DNAH7: variants seen among roughly 807,000 people sequenced by gnomAD.
DNAH7 encodes the protein dynein axonemal heavy chain 7.
Under a neutral mutation model 444.6 loss-of-function variants are expected in DNAH7, and 397 were observed. That is an observed-to-expected ratio of 0.89 (90% CI 0.82 to 0.97). The LOEUF is 0.97. Ranked by LOEUF, DNAH7 falls within the 50% of genes least tolerant of loss-of-function variation. DNAH7 has a pLI of 0.00. For synonymous variants in DNAH7, 1,636 were observed against 1,624.4 expected (o/e 1.01, Z -0.17); for missense variants, 4,902 against 4,800.8 (o/e 1.02, Z -0.62).
intron 47 of DNAH7, among the ~76,000 whole-genome samples, chr2:195,836,549 T>C (rs1263170441): frequency 6.6e-6 from 1 of 151,134 alleles, no homozygotes; most frequent in Non-Finnish European, 1.5e-5. Context: ...ATGGGAGTCA[T>C]GGCTTCAACA....
chr2:195,997,501 C>A (rs1311096429), intron 12 of DNAH7, among the ~76,000 whole-genome samples: 1 of 152,112 alleles, frequency 6.6e-6, no homozygotes, highest in Non-Finnish European at 1.5e-5. Context: ...GGTGACAGAG[C>A]AAGATGGAGT....
chr2:195,981,323 T>A (rs1692557392), intron 15 of DNAH7, among the ~76,000 whole-genome samples: 1 of 151,712 alleles, frequency 6.6e-6, no homozygotes, highest in Non-Finnish European at 1.5e-5. Context: ...AACACAATGA[T>A]GAAAGAAATT....
chr2:195,936,972 C>T (rs1689096606), intron 19 of DNAH7, among the ~76,000 whole-genome samples, 180 bp from the exon 20 acceptor site: 1 of 152,030 alleles, frequency 6.6e-6, no homozygotes, highest in African/African-American at 2.4e-5. Context: ...CTCTCTGATT[C>T]TGTAAAAGTC....
chr2:196,064,806 C>T (rs1300744407), intron 1 of DNAH7, among the ~76,000 whole-genome samples: 1 of 152,130 alleles, frequency 6.6e-6, no homozygotes, highest in Non-Finnish European at 1.5e-5. Flanking sequence ...GAGCATAGTA[C>T]AATGTATCCA....
intron 59 of DNAH7, among the ~76,000 whole-genome samples, 198 bp from the exon 60 acceptor site, chr2:195,776,181 C>A (rs1231563847): frequency 6.6e-6 from 1 of 152,202 alleles, no homozygotes; most frequent in Admixed American, 6.5e-5. Context: ...CGGTGGCTCA[C>A]GCCTGTAATC....
intron 47 of DNAH7, among the ~76,000 whole-genome samples, chr2:195,838,409 T>A (rs934584418): frequency 2.0e-5 from 3 of 151,202 alleles, no homozygotes; most frequent in African/African-American, 7.3e-5. Context: ...ATTATAACCA[T>A]CCTCCATGAG....
intron 62 of DNAH7, among the ~76,000 whole-genome samples, 182 bp downstream of exon 62, chr2:195,755,951 T>A (rs1447308040): frequency 2.0e-5 from 3 of 152,232 alleles, no homozygotes; most frequent in Non-Finnish European, 2.9e-5. Context: ...CTTCATTTAG[T>A]GCTAGCTTTT....
At chr2:195,974,058 CAG>C (rs1692027795) in intron 15 of DNAH7, among the ~76,000 whole-genome samples, 1 of 151,610 alleles carries the variant, frequency 6.6e-6, no homozygotes, top group Non-Finnish European at 1.5e-5. Context: ...GCCTGGGTGA[CAG>C]AATGAGACTC....
At chr2:195,777,309 T>G (rs1240151361) in intron 59 of DNAH7, among the ~76,000 whole-genome samples, 1 of 152,178 alleles carries the variant, frequency 6.6e-6, no homozygotes, top group Non-Finnish European at 1.5e-5. Flanking sequence ...GCCACCTTCT[T>G]ACCTGTGTGG....
chr2:195,908,868 A>G (rs1033797696), intron 25 of DNAH7, among the ~76,000 whole-genome samples: 2 of 152,196 alleles, frequency 1.3e-5, no homozygotes, highest in Admixed American at 6.5e-5. Context: ...ACAAATGGAA[A>G]GTAATTAAAC....
chr2:195,813,813 G>A (rs1697091666), intron 51 of DNAH7, among the ~76,000 whole-genome samples: 1 of 152,118 alleles, frequency 6.6e-6, no homozygotes, highest in South Asian at 2.1e-4. Context: ...TCTGGGTTGG[G>A]AAAAGATGTA....
At chr2:196,067,344 T>C (rs1427661263) in intron 1 of DNAH7, among the ~76,000 whole-genome samples, 1 of 152,174 alleles carries the variant, frequency 6.6e-6, no homozygotes, top group African/African-American at 2.4e-5. Context: ...CAATATATAA[T>C]AATGGTGACA....
chr2:196,041,815 G>A, intron 5 of DNAH7, among the ~76,000 whole-genome samples: 1 of 151,470 alleles, frequency 6.6e-6, no homozygotes, highest in South Asian at 2.1e-4. Flanking sequence ...AAGGGATAAG[G>A]GATTAATAAC....
intron 46 of DNAH7, among the ~76,000 whole-genome samples, chr2:195,850,564 T>C (rs903129284): frequency 3.9e-5 from 6 of 152,282 alleles, no homozygotes; most frequent in South Asian, 2.1e-4. Flanking sequence ...GTTTTATTTA[T>C]GAAAAGTGCC....
At chr2:196,032,174 T>G (rs978755299) in intron 5 of DNAH7, among the ~76,000 whole-genome samples, 1 of 152,126 alleles carries the variant, frequency 6.6e-6, no homozygotes, top group Non-Finnish European at 1.5e-5. Context: ...TTTCCCCTTA[T>G]CAAACCATCA....
At chr2:195,942,842 T>C (rs1185645578) in intron 19 of DNAH7, among the ~76,000 whole-genome samples, 2 of 152,104 alleles carry the variant, frequency 1.3e-5, no homozygotes, top group African/African-American at 2.4e-5. Context: ...AGAGAACATA[T>C]ACCATGTACA....
At chr2:195,792,540 G>A (rs1162458186) in intron 57 of DNAH7, among the ~76,000 whole-genome samples, 1 of 151,652 alleles carries the variant, frequency 6.6e-6, no homozygotes, top group Non-Finnish European at 1.5e-5. Flanking sequence ...AAAGAGACGA[G>A]GCAATTAAGT....
At chr2:195,890,529 T>C (rs907911242) in intron 31 of DNAH7, among the ~76,000 whole-genome samples, 16 of 152,192 alleles carry the variant, frequency 1.1e-4, no homozygotes, top group Non-Finnish European at 1.0e-4. Flanking sequence ...TCTGTGTAAA[T>C]AATATAACTG....
Position 195,897,694 on chromosome 2 carries a change from A to G in DNAH7, c.4620T>C (p.Phe1540=). 6.2e-7 allele frequency: 1 copy of G among 1,605,078 alleles called. No homozygotes were observed. The highest frequency in any genetic ancestry group is 8.5e-7 in the Non-Finnish European group (1 of 1,174,816). The change falls in exon 29 of 65, where the codon TTT becomes TTC. Residue 1540 remains phenylalanine, a synonymous_variant. Coordinates refer to ENST00000312428, the MANE Select transcript of DNAH7 (RefSeq NM_018897.3). The stretch of plus-strand genomic sequence containing the variant: ...CAAAGAGTGGTAAATCATGGGATAA[A>G]AATTTTGGCAGATTTACATCAATGA... ...RSIIDVNLPK[F]LSHDLPLFEG...
Sources: gnomAD v4.1 joint callset for allele counts (sites outside exome capture counted in the v4.1 genomes callset) on GRCh38, gnomAD v4.1.1 for gene constraint, MANE v1.5 for transcripts, NCBI Gene and HGNC (gene_info 2026-07-23, HGNC 2026-07-21) for gene names.